The following EPHA6 variants were observed in gnomAD, a reference collection of about 807,000 sequenced individuals.
EPHA6 encodes EPH receptor A6.
Under a neutral mutation model 112.0 loss-of-function variants are expected in EPHA6, and 50 were observed. That is an observed-to-expected ratio of 0.45 (90% confidence interval 0.36 to 0.56). The LOEUF is 0.56. Among genes scored for constraint, EPHA6 ranks in the 20% least tolerant of loss-of-function variants. The pLI is 0.00. For synonymous variants in EPHA6, 529 were observed against 490.7 expected (o/e 1.08, Z -1.03); for missense variants, 1,280 against 1,417.4 (o/e 0.90, Z 1.56).
chr3:97,363,218 ATATATATATATATATAT>A (rs2084492042), intron 5 of EPHA6, among the ~76,000 whole-genome samples: 1 of 51,428 alleles, frequency 1.9e-5, no homozygotes, highest in Admixed American at 1.7e-4. Flanking sequence ...ATATATATAT[ATATATATATATATATAT>A]ATAAATCTCA....
intron 5 of EPHA6, among the ~76,000 whole-genome samples, chr3:97,247,183 C>T (rs972397770): frequency 1.3e-5 from 2 of 151,964 alleles, no homozygotes; most frequent in African/African-American, 4.8e-5. Flanking sequence ...GTTACGATTT[C>T]ACTGGACTGA....
intron 4 of EPHA6, among the ~76,000 whole-genome samples, chr3:97,228,268 C>A (rs2078417933): frequency 6.6e-6 from 1 of 152,054 alleles, no homozygotes; most frequent in African/African-American, 2.4e-5. Flanking sequence ...ACCCATCACT[C>A]GAGCAGTGTA....
chr3:97,657,680 C>G (rs1287247072), intron 14 of EPHA6, among the ~76,000 whole-genome samples: 1 of 151,704 alleles, frequency 6.6e-6, no homozygotes, highest in Admixed American at 6.6e-5. Context: ...AATAAATAAG[C>G]TAAATTATAG....
intron 5 of EPHA6, among the ~76,000 whole-genome samples, chr3:97,316,394 C>A (rs1015401712): frequency 7.9e-5 from 12 of 151,822 alleles, no homozygotes; most frequent in Admixed American, 7.9e-4. Flanking sequence ...GACCCCTGCC[C>A]AGGAACACCA....
intron 14 of EPHA6, among the ~76,000 whole-genome samples, chr3:97,674,193 C>T (rs1271099001): frequency 6.6e-6 from 1 of 152,058 alleles, no homozygotes; most frequent in Admixed American, 6.6e-5. Context: ...CTTGTGTTTC[C>T]TTTTTAAGTA....
At chr3:97,543,075 G>T (rs1386764248) in intron 11 of EPHA6, among the ~76,000 whole-genome samples, 3 of 152,066 alleles carry the variant, frequency 2.0e-5, no homozygotes, top group South Asian at 4.2e-4. Context: ...AGTTTCTTTT[G>T]CTGTGCAGAA....
intron 11 of EPHA6, among the ~76,000 whole-genome samples, chr3:97,556,874 C>T (rs145300457): frequency 6.6e-6 from 1 of 151,940 alleles, no homozygotes; most frequent in East Asian, 1.9e-4. Context: ...ACGATTATTT[C>T]TCTTAAAGTA....
intron 5 of EPHA6, among the ~76,000 whole-genome samples, chr3:97,372,257 C>T (rs2085100039): frequency 6.6e-6 from 1 of 152,050 alleles, no homozygotes; most frequent in African/African-American, 2.4e-5. Context: ...GTACCTTTTC[C>T]CTTTATTTCT....
chr3:97,525,302 G>A (rs2107630348), intron 10 of EPHA6, among the ~76,000 whole-genome samples: 1 of 151,944 alleles, frequency 6.6e-6, no homozygotes, highest in African/African-American at 2.4e-5. Context: ...TTTCAATTCT[G>A]CCATTGTATC....
intron 1 of EPHA6, among the ~76,000 whole-genome samples, chr3:96,861,256 T>G (rs2035986984): frequency 6.6e-6 from 1 of 152,102 alleles, no homozygotes; most frequent in African/African-American, 2.4e-5. Flanking sequence ...ATTATTTGGA[T>G]AAGGTTTTCA....
At chr3:96,878,418 TG>T (rs1397632531) in intron 2 of EPHA6, among the ~76,000 whole-genome samples, 1 of 151,898 alleles carries the variant, frequency 6.6e-6, no homozygotes, top group Non-Finnish European at 1.5e-5. Context: ...GCCTTGTAAG[TG>T]ATGCTAAGGC....
intron 2 of EPHA6, among the ~76,000 whole-genome samples, chr3:96,972,424 AACACACACAC>A (rs3070424): frequency 0.058 from 8,425 of 144,842 alleles, 277 homozygotes; most frequent in Middle Eastern, 0.11. Flanking sequence ...CACACACACA[AACACACACAC>A]ACACACACAC....
chr3:97,357,328 T>C (rs369518434), intron 5 of EPHA6, among the ~76,000 whole-genome samples: 32 of 152,124 alleles, frequency 2.1e-4, no homozygotes, highest in East Asian at 1.5e-3. Context: ...TGCCTAACCC[T>C]CTCAAGTAGC....
At chr3:97,529,950 A>C (rs1373848837) in intron 10 of EPHA6, among the ~76,000 whole-genome samples, 1 of 152,040 alleles carries the variant, frequency 6.6e-6, no homozygotes, top group Non-Finnish European at 1.5e-5. Flanking sequence ...TATTTTCATG[A>C]CATTCAGAAG....
chr3:97,556,573 G>A (rs1364208930), intron 11 of EPHA6, among the ~76,000 whole-genome samples: 1 of 151,956 alleles, frequency 6.6e-6, no homozygotes, highest in African/African-American at 2.4e-5. Flanking sequence ...AACAGCATGA[G>A]GGTAACTGCC....
intron 3 of EPHA6, among the ~76,000 whole-genome samples, chr3:97,182,123 A>G (rs1043777325): frequency 6.6e-6 from 1 of 151,922 alleles, no homozygotes; most frequent in Non-Finnish European, 1.5e-5. Context: ...ATTATGTCCC[A>G]TTGGTTTTTC....
intron 5 of EPHA6, among the ~76,000 whole-genome samples, chr3:97,333,814 G>C (rs1363524352): frequency 6.6e-6 from 1 of 151,738 alleles, no homozygotes; most frequent in Non-Finnish European, 1.5e-5. Context: ...TTTGCTCATT[G>C]CAGTGGCTAG....
intron 10 of EPHA6, among the ~76,000 whole-genome samples, chr3:97,509,233 G>A (rs1224093098): frequency 6.6e-6 from 1 of 151,724 alleles, no homozygotes; most frequent in Non-Finnish European, 1.5e-5. Context: ...TCATTATGAT[G>A]TTAGCTGGTT....
intron 2 of EPHA6, among the ~76,000 whole-genome samples, chr3:96,986,968 TC>T (rs2043045639): frequency 6.6e-6 from 1 of 152,228 alleles, no homozygotes; most frequent in Non-Finnish European, 1.5e-5. Flanking sequence ...TATTTAATGT[TC>T]TTATAGTATG....
Sources: allele counts gnomAD v4.1 joint callset (sites outside exome capture counted in the v4.1 genomes callset), GRCh38; gene constraint gnomAD v4.1.1; transcripts MANE v1.5; gene names NCBI Gene and HGNC (gene_info 2026-07-23, HGNC 2026-07-21).